The following RASGRF2 variants were observed in gnomAD, a reference collection of about 807,000 sequenced individuals.
RASGRF2 encodes Ras protein specific guanine nucleotide releasing factor 2, also known as ras-specific guanine nucleotide-releasing factor 2.
RASGRF2 carries 76 observed loss-of-function variants against 151.0 expected under a neutral mutation model. The ratio of observed to expected loss-of-function variants is 0.50; its 90% CI spans 0.42 to 0.61. The LOEUF (loss-of-function observed/expected upper bound fraction) is 0.61, where lower values mean the gene tolerates loss of function less well. RASGRF2 is among the 20% of genes least tolerant of loss of function. RASGRF2 has a pLI of 0.00. For synonymous variants in RASGRF2, 504 were observed against 566.5 expected (o/e 0.89, Z 1.57); for missense variants, 1,148 against 1,564.6 (o/e 0.73, Z 4.49).
intron 12 of RASGRF2, among the ~76,000 whole-genome samples, chr5:81,106,180 GC>G (rs1752840452): frequency 6.6e-6 from 1 of 152,036 alleles, no homozygotes; most frequent in South Asian, 2.1e-4. Flanking sequence ...ATTTAAAATT[GC>G]CTTATAACCA....
chr5:81,207,053 G>A (rs925655614), intron 20 of RASGRF2, 148 bp downstream of exon 20: 2 of 827,522 alleles, frequency 2.4e-6, no homozygotes, highest in Non-Finnish European at 2.0e-6. Flanking sequence ...CACATTTGGT[G>A]TGGGGTCTAG....
chr5:81,188,452 A>G (rs1243349630), intron 18 of RASGRF2, among the ~76,000 whole-genome samples: 3 of 152,314 alleles, frequency 2.0e-5, no homozygotes, highest in South Asian at 2.1e-4. Flanking sequence ...ATTGAATTGC[A>G]TAGAAGTCAT....
intron 18 of RASGRF2, among the ~76,000 whole-genome samples, chr5:81,200,269 A>AT (rs1389350282): frequency 2.7e-5 from 4 of 145,846 alleles, no homozygotes; most frequent in African/African-American, 1.0e-4. Flanking sequence ...AGACCCTGTG[A>AT]TTTAAAAAAA....
At chr5:81,051,451 A>G (rs910457753) in intron 2 of RASGRF2, among the ~76,000 whole-genome samples, 2 of 152,164 alleles carry the variant, frequency 1.3e-5, no homozygotes, top group African/African-American at 4.8e-5. Context: ...CAACACCACA[A>G]AAGAAACCCC....
intron 26 of RASGRF2, among the ~76,000 whole-genome samples, chr5:81,220,438 C>T (rs907747589): frequency 6.6e-6 from 1 of 152,172 alleles, no homozygotes; most frequent in Admixed American, 6.5e-5. Flanking sequence ...TATTATCTTA[C>T]ATTAGTATGA....
At chr5:81,053,738 A>G (rs1437536896) in intron 2 of RASGRF2, among the ~76,000 whole-genome samples, 2 of 152,202 alleles carry the variant, frequency 1.3e-5, no homozygotes, top group African/African-American at 2.4e-5. Context: ...TTACAGTCCC[A>G]CCAACAATGT....
rs115238992 is a variant in RASGRF2, at chr5:81,125,947, C to T, written c.2597-1127C>T. 2.2e-3 allele frequency among the ~76,000 whole-genome samples: 342 copies of T among 152,364 alleles called. 1 individual carries two copies. The highest frequency in any genetic ancestry group is 8.0e-3 in the African/African-American group (334 of 41,588). On this transcript the variant is annotated intron_variant, in intron 16 of 26. Transcript: ENST00000265080. Reference sequence around the variant, plus strand: ...TTTTGCCTGTGCATCTGTCTACTTGCCACCTTGTTCCAAAATGCAATAAGT... The same window carrying T: ...TTTTGCCTGTGCATCTGTCTACTTGTCACCTTGTTCCAAAATGCAATAAGT...
intron 17 of RASGRF2, among the ~76,000 whole-genome samples, chr5:81,145,332 GT>G (rs5869073): frequency 0.63 from 95,643 of 151,906 alleles, 30,401 homozygotes; most frequent in East Asian, 0.81. Context: ...CTGGAACCTT[GT>G]TATTTGGGTT....
chr5:81,040,645 C>T (rs990784785), intron 1 of RASGRF2, among the ~76,000 whole-genome samples: 3 of 152,204 alleles, frequency 2.0e-5, no homozygotes, highest in Non-Finnish European at 4.4e-5. Context: ...GGCCAAGGCC[C>T]CCACCCCCTT....
At chr5:81,028,038 TG>T (rs1750096871) in intron 1 of RASGRF2, among the ~76,000 whole-genome samples, 1 of 151,416 alleles carries the variant, frequency 6.6e-6, no homozygotes. Flanking sequence ...GGAGTGGGGG[TG>T]GGGAGTTGGA....
At position 81,094,296 on chromosome 5, in the gene RASGRF2, A is replaced by G. The variant is rs764387873; in HGVS notation, c.1552A>G (p.Thr518Ala). The change falls in exon 11 of 27, where the codon ACA becomes GCA. Residue 518 changes from threonine to alanine, a missense_variant and splice_region_variant. Thr to Ala is a moderately conservative substitution (Grantham distance 58, BLOSUM62 0). Coordinates refer to ENST00000265080, the MANE Select transcript of RASGRF2 (RefSeq NM_006909.3). ...SSGGKLHLLK[T>A]GGVLSLIDCT... ...TAGTGAAAAATTGGTTTGTTTCCAG[A>G]CAGGTGGGGTTCTGTCTCTAATAGA... 4.3e-6 allele frequency: 7 copies of G among 1,613,104 alleles called. No homozygotes were observed. The South Asian group carries it at 5.5e-5, about 13-fold the overall frequency.
intron 17 of RASGRF2, among the ~76,000 whole-genome samples, chr5:81,153,245 G>C (rs1490274182): frequency 2.0e-5 from 3 of 152,184 alleles, no homozygotes; most frequent in African/African-American, 7.2e-5. Context: ...CATGGCAAAG[G>C]AAATTAAGGT....
chr5:81,086,838 A>ACG lies in RASGRF2; in HGVS notation c.1275_1276insCG (p.Met426ArgfsTer12). 1 of 1,608,576 alleles carries ACG rather than the reference A, an allele frequency of 6.2e-7. No individual in the cohort carries two copies. ...TCCTGTCTGTGTTGTGTCACAGAGTAATGCACGATGAAGTCAGCGACACTG... is the reference window on the plus strand; with the variant it reads ...TCCTGTCTGTGTTGTGTCACAGAGTACGATGCACGATGAAGTCAGCGACACTG... On this transcript the variant is annotated frameshift_variant, in exon 9 of 27. Transcript: ENST00000265080. LOFTEE classifies it high-confidence loss of function.
At chr5:81,149,483 G>C (rs1580360012) in intron 17 of RASGRF2, among the ~76,000 whole-genome samples, 1 of 152,022 alleles carries the variant, frequency 6.6e-6, no homozygotes, top group Admixed American at 6.6e-5. Context: ...GGGAGGAAGG[G>C]TGGGAGGGGA....
chr5:81,013,687 C>T (rs2112320656), intron 1 of RASGRF2, among the ~76,000 whole-genome samples: 1 of 151,574 alleles, frequency 6.6e-6, no homozygotes, highest in Admixed American at 6.6e-5. Flanking sequence ...TATGTATTAT[C>T]CCAGATTTCT....
chr5:81,119,444 T>C (rs186726457), intron 15 of RASGRF2, among the ~76,000 whole-genome samples: 1 of 152,360 alleles, frequency 6.6e-6, no homozygotes, highest in Non-Finnish European at 1.5e-5. Flanking sequence ...AGAGTACTCA[T>C]GATGTAGTCA....
At chr5:81,193,770 A>T (rs1336443852) in intron 18 of RASGRF2, among the ~76,000 whole-genome samples, 1 of 152,200 alleles carries the variant, frequency 6.6e-6, no homozygotes, top group East Asian at 1.9e-4. Flanking sequence ...CACCCGCCTC[A>T]GCCTCCCGTA....
At chr5:81,119,691 G>A (rs1454656723) in intron 15 of RASGRF2, among the ~76,000 whole-genome samples, 1 of 152,230 alleles carries the variant, frequency 6.6e-6, no homozygotes, top group African/African-American at 2.4e-5. Flanking sequence ...TTGTCATGTG[G>A]CAGCACTGAT....
At chr5:81,036,894 A>G (rs1186006520) in intron 1 of RASGRF2, among the ~76,000 whole-genome samples, 1 of 152,178 alleles carries the variant, frequency 6.6e-6, no homozygotes, top group Non-Finnish European at 1.5e-5. Context: ...AGGGATTTGT[A>G]TTAGTTCGTT....
Sources: allele counts gnomAD v4.1 joint callset (sites outside exome capture counted in the v4.1 genomes callset), GRCh38; gene constraint gnomAD v4.1.1; transcripts MANE v1.5; gene names NCBI Gene and HGNC (gene_info 2026-07-23, HGNC 2026-07-21).